Variants in CACNA2D3 observed in about 807,000 individuals in gnomAD.
The protein encoded by CACNA2D3 is voltage-dependent calcium channel subunit alpha-2/delta-3.
Under a neutral mutation model 160.6 loss-of-function variants are expected in CACNA2D3, and 60 were observed. The ratio of observed to expected loss-of-function variants is 0.37; its 90% CI spans 0.30 to 0.46. The LOEUF is 0.46. Ranked by LOEUF, CACNA2D3 falls within the 20% of genes least tolerant of loss-of-function variation. CACNA2D3 has a pLI of 1.00. For synonymous variants in CACNA2D3, 558 were observed against 492.9 expected (o/e 1.13, Z -1.75); for missense variants, 1,205 against 1,365.0 (o/e 0.88, Z 1.85).
chr3:54,607,949 C>T (rs1270707931), intron 9 of CACNA2D3, among the ~76,000 whole-genome samples: 1 of 152,144 alleles, frequency 6.6e-6, no homozygotes, highest in African/African-American at 2.4e-5. Context: ...ATATGACATT[C>T]TCAAAATAAA....
intron 13 of CACNA2D3, among the ~76,000 whole-genome samples, chr3:54,779,930 C>G (rs997133746): frequency 6.6e-6 from 1 of 152,166 alleles, no homozygotes; most frequent in African/African-American, 2.4e-5. Context: ...TGATGTGTCT[C>G]TATAACCTGA....
At chr3:54,196,528 T>C (rs1701084212) in intron 2 of CACNA2D3, among the ~76,000 whole-genome samples, 1 of 152,224 alleles carries the variant, frequency 6.6e-6, no homozygotes, top group Non-Finnish European at 1.5e-5. Context: ...GAGATGTTAA[T>C]TTGTTGCTAT....
intron 4 of CACNA2D3, among the ~76,000 whole-genome samples, chr3:54,482,604 C>T (rs1332466965): frequency 6.6e-6 from 1 of 152,184 alleles, no homozygotes; most frequent in Non-Finnish European, 1.5e-5. Flanking sequence ...TTTTCACATG[C>T]CTCACCCAGT....
At chr3:54,807,209 C>A (rs1180594870) in intron 13 of CACNA2D3, among the ~76,000 whole-genome samples, 1 of 152,170 alleles carries the variant, frequency 6.6e-6, no homozygotes, top group Non-Finnish European at 1.5e-5. Context: ...CAAATGGGAT[C>A]TAACTAAACT....
At chr3:54,896,622 T>G in intron 25 of CACNA2D3, 127 bp from the exon 26 acceptor site, 6 of 1,108,938 alleles carry the variant, frequency 5.4e-6, no homozygotes, top group Non-Finnish European at 8.1e-6. Context: ...CCCTCTATAC[T>G]GAGAAAGGCA....
chr3:54,243,127 T>C, intron 2 of CACNA2D3, among the ~76,000 whole-genome samples: 1 of 152,162 alleles, frequency 6.6e-6, no homozygotes, highest in Non-Finnish European at 1.5e-5. Flanking sequence ...CCTCCAAGAT[T>C]GTACCCCCTG....
chr3:55,059,970 T>A (rs1704466415), intron 35 of CACNA2D3, among the ~76,000 whole-genome samples: 1 of 152,016 alleles, frequency 6.6e-6, no homozygotes. Flanking sequence ...GCCTGAGGTT[T>A]GGGGTTTATA....
intron 17 of CACNA2D3, among the ~76,000 whole-genome samples, chr3:54,868,609 T>C (rs1011722790): frequency 2.6e-5 from 4 of 152,148 alleles, no homozygotes; most frequent in Non-Finnish European, 4.4e-5. Context: ...CTAAAATGAC[T>C]TGGGTTCTTT....
chr3:54,750,198 C>T (rs17054337), intron 11 of CACNA2D3, among the ~76,000 whole-genome samples: 1,809 of 152,246 alleles, frequency 0.012, 108 homozygotes, highest in Admixed American at 0.1. Flanking sequence ...GAAGGCTCTT[C>T]GTCTAGACAG....
chr3:54,205,161 A>AG (rs893815021), intron 2 of CACNA2D3, among the ~76,000 whole-genome samples: 14 of 152,176 alleles, frequency 9.2e-5, no homozygotes, highest in Admixed American at 5.2e-4. Flanking sequence ...ATAACAATAG[A>AG]GGGGGGAAAG....
intron 8 of CACNA2D3, among the ~76,000 whole-genome samples, chr3:54,571,678 G>T: frequency 7.6e-6 from 1 of 132,006 alleles, no homozygotes; most frequent in Non-Finnish European, 1.8e-5. Flanking sequence ...TTATTCTTTT[G>T]CATGAAAATA....
intron 16 of CACNA2D3, 43 bp downstream of exon 16, chr3:54,838,691 C>T (rs778095405): frequency 2.9e-6 from 4 of 1,398,970 alleles, no homozygotes; most frequent in Non-Finnish European, 3.0e-6. Flanking sequence ...AACAGAGATG[C>T]CCAGAGCCTT....
At chr3:54,851,216 G>A (rs1699050411) in intron 17 of CACNA2D3, among the ~76,000 whole-genome samples, 1 of 152,164 alleles carries the variant, frequency 6.6e-6, no homozygotes, top group African/African-American at 2.4e-5. Context: ...TAATTGAATA[G>A]CAAGCCTAGG....
intron 2 of CACNA2D3, among the ~76,000 whole-genome samples, chr3:54,292,713 A>G (rs1439243129): frequency 6.6e-6 from 1 of 152,224 alleles, no homozygotes; most frequent in Non-Finnish European, 1.5e-5. Context: ...CAGAACCCTC[A>G]TATGTTGTTG....
In CACNA2D3 at chr3:54,132,451, A is replaced by G. The variant is rs151166831; in HGVS notation, c.204+8857A>G. Among the ~76,000 whole-genome samples, 690 of 152,322 alleles carry G rather than the reference A, an allele frequency of 4.5e-3. 4 individuals carry two copies. The highest frequency in any genetic ancestry group is 0.015 in the African/African-American group (631 of 41,572). ...CCAGAGTGTGTGGCCAAGTTCGAGT[A>G]TTTCAGAACATCAGGAGCCACCTGG... is the stretch of plus-strand genomic sequence containing the variant. On this transcript the variant is annotated intron_variant, in intron 2 of 37. Coordinates refer to ENST00000474759, the MANE Select transcript of CACNA2D3 (RefSeq NM_018398.3).
rs769780023 is a variant in CACNA2D3, at chr3:54,778,747, C to G, written c.1380+14396C>G. On this transcript the variant is annotated intron_variant, in intron 13 of 37. Transcript: ENST00000474759. ...TGTAAATCTCATAGACTCAGAGATC[C>G]AAAGGTTGGAGGGCATGTGAAAATA... 5.3e-5 allele frequency among the ~76,000 whole-genome samples: 8 copies of G among 152,046 alleles called. No homozygotes were observed. The East Asian group carries it at 1.4e-3, about 26-fold the overall frequency.
In CACNA2D3 at chr3:54,712,173, A is replaced by G. The variant is rs151003669; in HGVS notation, c.1168-40426A>G. 2.0e-3 allele frequency among the ~76,000 whole-genome samples: 312 copies of G among 152,296 alleles called. 3 individuals carry two copies. The highest frequency in any genetic ancestry group is 6.8e-3 in the Middle Eastern group (2 of 294). On this transcript the variant is annotated intron_variant, in intron 11 of 37. Coordinates refer to ENST00000474759, the MANE Select transcript of CACNA2D3 (RefSeq NM_018398.3). ...GGAGATTATCATCTTGATAAAGCCT[A>G]CCTGTATTCATTTCCTGTTTATGTT...
chr3:54,973,909 C>T (rs990892722), intron 29 of CACNA2D3, among the ~76,000 whole-genome samples: 3 of 152,142 alleles, frequency 2.0e-5, no homozygotes, highest in African/African-American at 7.2e-5. Context: ...CAAGGAGTGG[C>T]ACCTTCCTGT....
intron 17 of CACNA2D3, among the ~76,000 whole-genome samples, chr3:54,851,654 T>C (rs9854265): frequency 0.044 from 6,722 of 152,244 alleles, 476 homozygotes; most frequent in African/African-American, 0.15. Context: ...CCAGTAGGAA[T>C]ATAATGTGAG....
Sources: allele counts gnomAD v4.1 joint callset (sites outside exome capture counted in the v4.1 genomes callset), GRCh38; gene constraint gnomAD v4.1.1; transcripts MANE v1.5; gene names NCBI Gene and HGNC (gene_info 2026-07-23, HGNC 2026-07-21).